The following EPS15 variants were observed in gnomAD, a reference collection of about 807,000 sequenced individuals.
EPS15 encodes the protein epidermal growth factor receptor pathway substrate 15.
EPS15 carries 72 observed loss-of-function variants against 113.8 expected under a neutral mutation model. The observed-to-expected ratio is 0.63, with a 90% CI of 0.52 to 0.77. The LOEUF is 0.77. Among genes scored for constraint, EPS15 ranks in the 30% least tolerant of loss-of-function variants. The pLI, the probability that EPS15 is intolerant of heterozygous loss-of-function variation, is 0.00. For synonymous variants in EPS15, 344 were observed against 363.4 expected, an observed-to-expected ratio of 0.95 and a Z score of 0.61; for missense variants, 1,048 against 1,045.8, an observed-to-expected ratio of 1.00 and a Z score of -0.03.
intron 21 of EPS15, among the ~76,000 whole-genome samples, chr1:51,383,300 A>G (rs1646983315): frequency 1.3e-5 from 2 of 152,212 alleles, no homozygotes; most frequent in Non-Finnish European, 2.9e-5. Context: ...GGCTGAAACC[A>G]TTTCTCTACA....
chr1:51,441,273 C>T (rs1652579527), intron 11 of EPS15, among the ~76,000 whole-genome samples: 1 of 152,062 alleles, frequency 6.6e-6, no homozygotes, highest in Admixed American at 6.6e-5. Context: ...AACTCTTCAA[C>T]AGAATATGCT....
At chr1:51,401,421 C>T (rs61782076) in intron 18 of EPS15, among the ~76,000 whole-genome samples, 4,865 of 152,242 alleles carry the variant, frequency 0.032, 109 homozygotes, top group Non-Finnish European at 0.048. Flanking sequence ...ACTGGATATC[C>T]ACTTGCAAAA....
In EPS15 at chr1:51,447,951, T is replaced by C. The variant is rs551915757; in HGVS notation, c.651+95A>G. ...AATCTATACCTGTCTTAATGGTGCT[T>C]TGGTAGGTAAAATGCCTACAGATGG... On this transcript the variant is annotated intron_variant, in intron 9 of 24. Coordinates refer to ENST00000371733, the MANE Select transcript of EPS15 (RefSeq NM_001981.3). 215 of 1,510,758 alleles carry C rather than the reference T, an allele frequency of 1.4e-4. No individual in the cohort carries two copies. In the African/African-American group the frequency reaches 2.6e-3, roughly 18 times the overall value. The allele number at this position is 1,510,758 out of a possible 1,614,324, so 93.6% of individuals were successfully genotyped here.
chr1:51,401,866 C>T (rs1162551138), intron 18 of EPS15, among the ~76,000 whole-genome samples: 4 of 152,208 alleles, frequency 2.6e-5, no homozygotes, highest in South Asian at 2.1e-4. Context: ...AGGCCAGACG[C>T]GGTGGCTCAC....
intron 12 of EPS15, among the ~76,000 whole-genome samples, chr1:51,433,615 G>C (rs1651909669): frequency 6.6e-6 from 1 of 152,212 alleles, no homozygotes; most frequent in Non-Finnish European, 1.5e-5. Context: ...TGGAAATGAA[G>C]ACTAGTTCAT....
At chr1:51,384,293 TCTTTC>T (rs1364042064) in intron 21 of EPS15, among the ~76,000 whole-genome samples, 5 of 115,110 alleles carry the variant, frequency 4.3e-5, no homozygotes, top group African/African-American at 1.7e-4. Flanking sequence ...TCTTTTTCTT[TCTTTC>T]TTTTTTTTTT....
At chr1:51,372,288 G>A in intron 21 of EPS15, 1 of 504,836 alleles carries the variant, frequency 2.0e-6, no homozygotes, top group Non-Finnish European at 4.0e-6. Context: ...AGTGCAGAAG[G>A]CAGTGGTCCA....
Position 51,410,674 on chromosome 1 carries a change from C to T in EPS15, c.1114-978G>A, listed in dbSNP as rs149490190. ...CAGGAGGTAGGCAAAGATTTCAAAG[C>T]GGGTGAGGTAAAACTGAACACAAAT... On this transcript the variant is annotated intron_variant, in intron 13 of 24. Coordinates refer to ENST00000371733, the MANE Select transcript of EPS15 (RefSeq NM_001981.3). 3.8e-3 allele frequency among the ~76,000 whole-genome samples: 583 copies of T among 152,150 alleles called. 3 individuals carry two copies. The highest frequency in any genetic ancestry group is 0.013 in the African/African-American group (539 of 41,500).
intron 24 of EPS15, among the ~76,000 whole-genome samples, chr1:51,357,412 ATATATATATATATATTT>A (rs1280289869): frequency 6.7e-5 from 4 of 59,292 alleles, no homozygotes; most frequent in African/African-American, 1.8e-4. Flanking sequence ...ATATATATAT[ATATATATATATATATTT>A]TTTTTTTTTA....
At chr1:51,437,153 T>C (rs1035278810) in intron 12 of EPS15, among the ~76,000 whole-genome samples, 2 of 152,146 alleles carry the variant, frequency 1.3e-5, no homozygotes, top group African/African-American at 4.8e-5. Context: ...TATTTTCTAC[T>C]AGAAACAATT....
Position 51,355,366 on chromosome 1 carries a change from T to G in EPS15, c.*1334A>C. On this transcript the variant is annotated 3_prime_UTR_variant, in exon 25 of 25. Transcript: ENST00000371733. The stretch of plus-strand genomic sequence containing the variant: ...ATTTTAGGTGCATTTTTCTTTATCT[T>G]GGTATTTAATACATCATCTAAGTCA... 4.8e-6 allele frequency: 1 copy of G among 209,174 alleles called. No homozygotes were observed. The highest frequency in any genetic ancestry group is 9.7e-6 in the Non-Finnish European group (1 of 102,772). 13.0% of individuals were successfully genotyped at this position (209,174 alleles called of 1,614,324 possible).
At chr1:51,516,608 G>A (rs1211906899) in intron 1 of EPS15, among the ~76,000 whole-genome samples, 1 of 152,078 alleles carries the variant, frequency 6.6e-6, no homozygotes, top group Non-Finnish European at 1.5e-5. Flanking sequence ...AGGAAGGAAG[G>A]CATAAGCTAA....
At chr1:51,480,535 A>G (rs2148522013) in intron 2 of EPS15, among the ~76,000 whole-genome samples, 1 of 152,264 alleles carries the variant, frequency 6.6e-6, no homozygotes, top group Middle Eastern at 3.4e-3. Flanking sequence ...TGTTTTTGAG[A>G]TGGAGTTTCA....
chr1:51,492,558 A>G (rs1248675879), intron 1 of EPS15, among the ~76,000 whole-genome samples: 1 of 152,228 alleles, frequency 6.6e-6, no homozygotes, highest in East Asian at 1.9e-4. Context: ...AACTCAAACC[A>G]GTAATGGGCC....
At chr1:51,395,873 T>C (rs79650331) in intron 20 of EPS15, among the ~76,000 whole-genome samples, 4,857 of 152,304 alleles carry the variant, frequency 0.032, 126 homozygotes, top group Non-Finnish European at 0.05. Context: ...GTCATTTGTA[T>C]TACAGACTCT....
chr1:51,466,459 C>T lies in EPS15; in HGVS notation c.310-1133G>A, dbSNP rs549273871. ...CAACATGGTGAAAAACCATCTCTAC[C>T]ACCAAAAAAAAAATTTAGCCGGGTG... On this transcript the variant is annotated intron_variant, in intron 5 of 24. Coordinates refer to ENST00000371733, the MANE Select transcript of EPS15 (RefSeq NM_001981.3). Among the ~76,000 whole-genome samples the T allele has an allele frequency of 1.5e-4, 22 of 150,878 alleles. 1 individual carries two copies. In the South Asian group the frequency reaches 3.4e-3, roughly 23 times the overall value.
chr1:51,444,810 T>C (rs1308550073), intron 11 of EPS15, 79 bp downstream of exon 11: 1 of 1,346,856 alleles, frequency 7.4e-7, no homozygotes, highest in Non-Finnish European at 1.0e-6. Flanking sequence ...TTCTATTTCA[T>C]CCAAATTGAA....
chr1:51,368,284 C>G (rs936936326), intron 21 of EPS15, among the ~76,000 whole-genome samples: 1 of 152,030 alleles, frequency 6.6e-6, no homozygotes, highest in Non-Finnish European at 1.5e-5. Flanking sequence ...AAAGAAGATA[C>G]ACTATTTTTG....
At chr1:51,400,861 GCTT>G in intron 19 of EPS15, 54 bp downstream of exon 19, 1 of 1,195,202 alleles carries the variant, frequency 8.4e-7, no homozygotes, top group South Asian at 1.4e-5. Context: ...AATAACATAA[GCTT>G]ATTATTAAGC....
Sources: allele counts gnomAD v4.1 joint callset (sites outside exome capture counted in the v4.1 genomes callset), GRCh38; gene constraint gnomAD v4.1.1; transcripts MANE v1.5; gene names NCBI Gene and HGNC (gene_info 2026-07-23, HGNC 2026-07-21).